Variants in ERBB4 observed in about 807,000 individuals in gnomAD.
ERBB4 encodes the protein receptor tyrosine-protein kinase erbB-4.
Under a neutral mutation model 158.0 loss-of-function variants are expected in ERBB4, and 42 were observed. That is an observed-to-expected ratio of 0.27 (90% CI 0.21 to 0.34). The LOEUF (loss-of-function observed/expected upper bound fraction) is 0.34, where lower values mean the gene tolerates loss of function less well. Ranked by LOEUF, ERBB4 falls within the 10% of genes least tolerant of loss-of-function variation. ERBB4 has a pLI of 1.00. For missense variants in ERBB4, 1,333 were observed against 1,624.1 expected, an observed-to-expected ratio of 0.82 and a Z score of 3.08; for synonymous variants, 583 against 558.7, an observed-to-expected ratio of 1.04 and a Z score of -0.61.
At chr2:211,559,234 C>T (rs2067319805) in intron 20 of ERBB4, among the ~76,000 whole-genome samples, 1 of 152,172 alleles carries the variant, frequency 6.6e-6, no homozygotes, top group Non-Finnish European at 1.5e-5. Flanking sequence ...ATTGGCATTG[C>T]CTCCAGACTC....
At chr2:211,714,184 G>A (rs985861181) in intron 7 of ERBB4, among the ~76,000 whole-genome samples, 3 of 152,132 alleles carry the variant, frequency 2.0e-5, no homozygotes, top group African/African-American at 7.2e-5. Flanking sequence ...CTTTGGAAAA[G>A]GTATATCAAA....
At chr2:212,438,488 C>T (rs191555477) in intron 1 of ERBB4, among the ~76,000 whole-genome samples, 2 of 152,156 alleles carry the variant, frequency 1.3e-5, no homozygotes, top group East Asian at 1.9e-4. Context: ...ATATCTACAA[C>T]AATTAGTAAG....
At chr2:211,523,107 A>C (rs1207354899) in intron 20 of ERBB4, among the ~76,000 whole-genome samples, 1 of 148,588 alleles carries the variant, frequency 6.7e-6, no homozygotes, top group Non-Finnish European at 1.5e-5. Context: ...AGATGGTGGA[A>C]CAGAAGGCCC....
chr2:212,472,714 A>G (rs996460542), intron 1 of ERBB4, among the ~76,000 whole-genome samples: 18 of 151,790 alleles, frequency 1.2e-4, no homozygotes, highest in African/African-American at 2.4e-5. Context: ...TACTAGAAAA[A>G]ATGTCATGTG....
chr2:212,529,199 T>C (rs1042057108), intron 1 of ERBB4, among the ~76,000 whole-genome samples: 7 of 152,122 alleles, frequency 4.6e-5, no homozygotes, highest in African/African-American at 1.7e-4. Flanking sequence ...GGTGGATCAG[T>C]ACATGCTTAT....
At chr2:212,064,825 C>T in intron 2 of ERBB4, among the ~76,000 whole-genome samples, 1 of 151,970 alleles carries the variant, frequency 6.6e-6, no homozygotes, top group East Asian at 1.9e-4. Context: ...GAGACCAGAA[C>T]AAGTAACTAT....
At chr2:211,939,554 G>A (rs1447905713) in intron 3 of ERBB4, among the ~76,000 whole-genome samples, 1 of 152,048 alleles carries the variant, frequency 6.6e-6, no homozygotes, top group Non-Finnish European at 1.5e-5. Flanking sequence ...CAAGCTTGAG[G>A]CTGCCTCCTC....
chr2:212,219,355 T>G (rs2083213339), intron 1 of ERBB4, among the ~76,000 whole-genome samples: 1 of 151,466 alleles, frequency 6.6e-6, no homozygotes, highest in Admixed American at 6.6e-5. Context: ...ATGTCACATT[T>G]ATACTGTAAT....
intron 4 of ERBB4, among the ~76,000 whole-genome samples, chr2:211,782,061 T>C (rs2076050252): frequency 6.6e-6 from 1 of 152,134 alleles, no homozygotes; most frequent in Non-Finnish European, 1.5e-5. Flanking sequence ...CTTAGGTGCT[T>C]TCACTAAAAT....
chr2:211,855,545 C>T (rs1318310513), intron 3 of ERBB4, among the ~76,000 whole-genome samples: 1 of 152,158 alleles, frequency 6.6e-6, no homozygotes, highest in South Asian at 2.1e-4. Context: ...ATAGATATCT[C>T]ATTATTCCAA....
intron 20 of ERBB4, among the ~76,000 whole-genome samples, chr2:211,492,652 CA>C (rs2065373525): frequency 6.6e-6 from 1 of 152,062 alleles, no homozygotes; most frequent in Non-Finnish European, 1.5e-5. Flanking sequence ...TTTTAAAAAA[CA>C]GACTCAAAAG....
intron 1 of ERBB4, among the ~76,000 whole-genome samples, chr2:212,394,293 A>G (rs2090960930): frequency 6.6e-6 from 1 of 152,122 alleles, no homozygotes; most frequent in African/African-American, 2.4e-5. Flanking sequence ...AATTCATTTA[A>G]TATTTTAAAT....
intron 1 of ERBB4, among the ~76,000 whole-genome samples, chr2:212,292,825 G>A (rs565595094): frequency 1.3e-5 from 2 of 152,050 alleles, no homozygotes; most frequent in Non-Finnish European, 2.9e-5. Flanking sequence ...GAAAGTTCAT[G>A]TATCAATTAA....
chr2:211,824,695 TTTGA>T (rs2077059062), intron 3 of ERBB4, among the ~76,000 whole-genome samples: 1 of 151,752 alleles, frequency 6.6e-6, no homozygotes, highest in Admixed American at 6.6e-5. Context: ...ACAATGATGA[TTTGA>T]TTGTCAAAAT....
At chr2:211,817,598 G>C (rs899863438) in intron 3 of ERBB4, among the ~76,000 whole-genome samples, 1 of 152,034 alleles carries the variant, frequency 6.6e-6, no homozygotes, top group Non-Finnish European at 1.5e-5. Context: ...GTCCCTCCCT[G>C]TCTTCTACAG....
chr2:211,454,864 C>T lies in ERBB4; in HGVS notation c.2488-23764G>A, dbSNP rs796102803. On this transcript the variant is annotated intron_variant, in intron 20 of 27. Coordinates refer to ENST00000342788, the MANE Select transcript of ERBB4 (RefSeq NM_005235.3). ...CAACTCTCATTTGGCTTGTCAGTGC[C>T]TCCCCGCCAGGACGGTTCTGCCTCC... is the stretch of plus-strand genomic sequence containing the variant. Among the ~76,000 whole-genome samples, 12 of 152,304 alleles carry T rather than the reference C, an allele frequency of 7.9e-5. No homozygotes were observed. The South Asian group carries it at 2.3e-3, about 29-fold the overall frequency.
At chr2:211,796,956 A>G (rs894703276) in intron 3 of ERBB4, among the ~76,000 whole-genome samples, 2 of 151,964 alleles carry the variant, frequency 1.3e-5, no homozygotes, top group South Asian at 2.1e-4. Context: ...TTAAAACTAC[A>G]TTAATAATTA....
chr2:212,304,670 A>T (rs2086742795), intron 1 of ERBB4, among the ~76,000 whole-genome samples: 1 of 151,506 alleles, frequency 6.6e-6, no homozygotes, highest in Non-Finnish European at 1.5e-5. Context: ...ACAAGGGTGG[A>T]AGGTTGACAC....
At chr2:212,302,864 T>C (rs966230769) in intron 1 of ERBB4, among the ~76,000 whole-genome samples, 1 of 151,550 alleles carries the variant, frequency 6.6e-6, no homozygotes, top group African/African-American at 2.4e-5. Flanking sequence ...GAAGCTATCA[T>C]TTCTATGTAT....
Sources: gnomAD v4.1 joint callset for allele counts (sites outside exome capture counted in the v4.1 genomes callset) on GRCh38, gnomAD v4.1.1 for gene constraint, MANE v1.5 for transcripts, NCBI Gene and HGNC (gene_info 2026-07-23, HGNC 2026-07-21) for gene names.